Variants in FBXO28 observed in about 807,000 individuals in gnomAD.
The protein encoded by FBXO28 is F-box only protein 28.
In FBXO28, 8 loss-of-function variants were observed where a neutral mutation model predicts 38.1. The ratio of observed to expected loss-of-function variants is 0.21; its 90% CI spans 0.12 to 0.38. The LOEUF is 0.38. FBXO28 is among the 10% of genes least tolerant of loss of function. The pLI is 1.00. For synonymous variants in FBXO28, 168 were observed against 173.8 expected, an observed-to-expected ratio of 0.97 and a Z score of 0.26; for missense variants, 345 against 460.6, an observed-to-expected ratio of 0.75 and a Z score of 2.30.
In FBXO28 at chr1:224,134,219, T is replaced by C; in HGVS notation, c.516+7T>C. The C allele has an allele frequency of 6.2e-7, 1 of 1,611,894 alleles. No homozygotes were observed. Among genetic ancestry groups the C allele is most frequent in the Non-Finnish European group, 8.5e-7 (1 of 1,179,350 alleles). On this transcript the variant is annotated splice_region_variant and intron_variant, in intron 3 of 4. Coordinates refer to ENST00000366862, the MANE Select transcript of FBXO28 (RefSeq NM_015176.4). Reference sequence around the variant, plus strand: ...TTGCTTCATCCCAGGAAAGGTAAAATAGAATTGCTTGCCTAGAACAGCTGG... The same window carrying C: ...TTGCTTCATCCCAGGAAAGGTAAAACAGAATTGCTTGCCTAGAACAGCTGG...
At chr1:224,154,233 C>T (rs1657714889) in intron 4 of FBXO28, among the ~76,000 whole-genome samples, 1 of 152,206 alleles carries the variant, frequency 6.6e-6, no homozygotes, top group Non-Finnish European at 1.5e-5. Flanking sequence ...CTAGCAAAGC[C>T]TATTTTATAA....
chr1:224,134,459 C>A, intron 3 of FBXO28: 1 of 291,396 alleles, frequency 3.4e-6, no homozygotes. Flanking sequence ...AGTTCATACT[C>A]AAGAATAAAA....
At chr1:224,154,112 G>GTC (rs1410949719) in intron 4 of FBXO28, among the ~76,000 whole-genome samples, 2 of 152,090 alleles carry the variant, frequency 1.3e-5, no homozygotes, top group East Asian at 3.9e-4. Context: ...AGAAAATATT[G>GTC]TAAGTCAAAA....
intron 3 of FBXO28, among the ~76,000 whole-genome samples, chr1:224,152,346 C>T (rs1038572658): frequency 3.3e-5 from 5 of 152,146 alleles, no homozygotes; most frequent in Non-Finnish European, 5.9e-5. Flanking sequence ...GCAGAGAAAT[C>T]AGGCTGAGTC....
rs1657868523 is a variant in FBXO28 at position 224,160,006 on chromosome 1, T to A, written c.*2260T>A. 1 of 152,218 alleles carries A rather than the reference T, an allele frequency of 6.6e-6. No individual in the cohort carries two copies. Among genetic ancestry groups the A allele is most frequent in the African/African-American group, 2.4e-5 (1 of 41,454 alleles). 9.4% of individuals were successfully genotyped at this position (152,218 alleles called of 1,614,324 possible). A position where few individuals can be genotyped will look rare whatever the true frequency, so the allele number is the denominator to read the frequency against. ...ATAATCATCTATTCATAAAGCTAAT[T>A]CATTGTACTTGTTAATGCATGAATG... On this transcript the variant is annotated 3_prime_UTR_variant, in exon 5 of 5. Coordinates refer to ENST00000366862, the MANE Select transcript of FBXO28 (RefSeq NM_015176.4).
At chr1:224,120,948 C>T (rs1044206897) in intron 1 of FBXO28, among the ~76,000 whole-genome samples, 1 of 149,688 alleles carries the variant, frequency 6.7e-6, no homozygotes, top group Non-Finnish European at 1.5e-5. Context: ...AATAGTGTTA[C>T]AAAATCAGTT....
At chr1:224,120,757 G>A (rs1656752647) in intron 1 of FBXO28, among the ~76,000 whole-genome samples, 1 of 151,924 alleles carries the variant, frequency 6.6e-6, no homozygotes, top group South Asian at 2.1e-4. Context: ...CAGCTACTCA[G>A]GAGGCTGAGG....
At chr1:224,133,820 C>T (rs1281227566) in intron 2 of FBXO28, among the ~76,000 whole-genome samples, 1 of 85,360 alleles carries the variant, frequency 1.2e-5, no homozygotes, top group Non-Finnish European at 2.3e-5. Flanking sequence ...CCCAAAAAAC[C>T]TAATTAAAAT....
intron 3 of FBXO28, among the ~76,000 whole-genome samples, chr1:224,146,756 G>A (rs1001585577): frequency 7.3e-6 from 1 of 136,966 alleles, no homozygotes; most frequent in Non-Finnish European, 1.5e-5. Flanking sequence ...CGCCCAGGCT[G>A]GAGTGCAGTG....
chr1:224,122,068 G>A (rs1433905092), intron 1 of FBXO28, among the ~76,000 whole-genome samples: 2 of 152,116 alleles, frequency 1.3e-5, no homozygotes, highest in Admixed American at 1.3e-4. Context: ...GCCACTGCCT[G>A]GCCCCAAATA....
intron 3 of FBXO28, among the ~76,000 whole-genome samples, chr1:224,134,682 AC>A (rs762976459): frequency 5.3e-5 from 8 of 152,216 alleles, no homozygotes; most frequent in Non-Finnish European, 1.0e-4. Flanking sequence ...TATTCCCAGA[AC>A]TAAATAACAG....
intron 4 of FBXO28, among the ~76,000 whole-genome samples, chr1:224,154,303 G>T (rs114140631): frequency 0.011 from 1,736 of 152,310 alleles, 41 homozygotes; most frequent in African/African-American, 0.04. Context: ...GTGAAAAACG[G>T]AATGGTTCTG....
intron 3 of FBXO28, among the ~76,000 whole-genome samples, chr1:224,143,790 C>A (rs916678865): frequency 6.8e-6 from 1 of 147,114 alleles, no homozygotes; most frequent in Non-Finnish European, 1.5e-5. Context: ...GGGCTGAGAT[C>A]ACGCCACTGC....
chr1:224,129,006 A>G (rs111558580), intron 1 of FBXO28, among the ~76,000 whole-genome samples: 1 of 142,974 alleles, frequency 7.0e-6, no homozygotes, highest in South Asian at 2.3e-4. Context: ...AAAAAAAACT[A>G]TATTAAGGAT....
At chr1:224,136,425 A>G (rs80086721) in intron 3 of FBXO28, among the ~76,000 whole-genome samples, 23,984 of 151,660 alleles carry the variant, frequency 0.16, 2,046 homozygotes, top group Middle Eastern at 0.24. Context: ...TGCTTCTGGG[A>G]TGTACTTAAA....
At chr1:224,131,564 A>C (rs1322627942) in intron 2 of FBXO28, among the ~76,000 whole-genome samples, 1 of 152,174 alleles carries the variant, frequency 6.6e-6, no homozygotes, top group Non-Finnish European at 1.5e-5. Context: ...AAGATAATTC[A>C]ATGCAGTAAG....
At chr1:224,122,475 A>G (rs1336719959) in intron 1 of FBXO28, among the ~76,000 whole-genome samples, 1 of 152,170 alleles carries the variant, frequency 6.6e-6, no homozygotes, top group Non-Finnish European at 1.5e-5. Context: ...CAGATTTCTC[A>G]GTTGTCCCCA....
At position 224,157,733 on chromosome 1, in the gene FBXO28, G is replaced by A; in HGVS notation, c.1094G>A (p.Arg365Gln). ...TCTCTTAGGAAATCTAAACGTCTTC[G>A]GAATAGAAAGTAAATTGGAATGTGG... ...IDSLRKSKRL[R>Q]NRK Residue 365 changes from arginine to glutamine, a missense_variant, in exon 5 of 5, where the codon CGG (arginine) becomes CAG (glutamine). Transcript: ENST00000366862. 3 of 1,598,836 alleles carry A rather than the reference G, an allele frequency of 1.9e-6. No individual in the cohort carries two copies. Among genetic ancestry groups the A allele is most frequent in the South Asian group, 1.1e-5 (1 of 88,532 alleles).
At position 224,158,182 on chromosome 1, in the gene FBXO28, A is replaced by G; in HGVS notation, c.*436A>G. On this transcript the variant is annotated 3_prime_UTR_variant, in exon 5 of 5. Coordinates refer to ENST00000366862, the MANE Select transcript of FBXO28 (RefSeq NM_015176.4). ...ACACTATCTTGGTTCTTTTTTTTTT[A>G]AGTCATCTTTTTGTTATAAGTGACC... is the stretch of plus-strand genomic sequence containing the variant. The G allele has an allele frequency of 1.0e-6, 1 of 970,652 alleles. No homozygotes were observed. The highest frequency in any genetic ancestry group is 1.2e-6 in the Non-Finnish European group (1 of 818,146). The allele number at this position is 970,652 out of a possible 1,614,324, so 60.1% of individuals were successfully genotyped here.
Sources: gnomAD v4.1 joint callset for allele counts (sites outside exome capture counted in the v4.1 genomes callset) on GRCh38, gnomAD v4.1.1 for gene constraint, MANE v1.5 for transcripts, NCBI Gene and HGNC (gene_info 2026-07-23, HGNC 2026-07-21) for gene names.